Variants in SUZ12 observed in about 807,000 individuals in gnomAD.
SUZ12 encodes polycomb protein SUZ12.
A neutral mutation model predicts 87.3 loss-of-function variants in SUZ12; 17 were observed. The ratio of observed to expected loss-of-function variants is 0.19; its 90% confidence interval spans 0.13 to 0.29. The LOEUF is 0.29. SUZ12 is among the 10% of genes least tolerant of loss of function. SUZ12 has a pLI of 1.00. For synonymous variants in SUZ12, 253 were observed against 312.4 expected, an observed-to-expected ratio of 0.81 and a Z score of 2.01; for missense variants, 526 against 912.2, an observed-to-expected ratio of 0.58 and a Z score of 5.45.
At chr17:31,947,110 C>T (rs1375145840) in intron 3 of SUZ12, among the ~76,000 whole-genome samples, 1 of 152,022 alleles carries the variant, frequency 6.6e-6, no homozygotes, top group African/African-American at 2.4e-5. Context: ...GCTTAGTAGA[C>T]GTGTTAAGTG....
intron 4 of SUZ12, among the ~76,000 whole-genome samples, chr17:31,950,399 C>T (rs1277612282): frequency 2.0e-5 from 3 of 152,072 alleles, no homozygotes; most frequent in African/African-American, 7.2e-5. Flanking sequence ...TAAAAGATAA[C>T]ACAGGCCGGG....
intron 6 of SUZ12, among the ~76,000 whole-genome samples, chr17:31,974,400 A>G (rs1040072164): frequency 2.6e-5 from 4 of 152,032 alleles, no homozygotes; most frequent in South Asian, 2.1e-4. Flanking sequence ...GGTGATGGGC[A>G]CCTGTAGTGC....
intron 4 of SUZ12, among the ~76,000 whole-genome samples, chr17:31,962,809 A>G (rs1398425462): frequency 6.6e-6 from 1 of 152,250 alleles, no homozygotes; most frequent in African/African-American, 2.4e-5. Context: ...GGGTCTCAGT[A>G]GATGTGGAGA....
intron 4 of SUZ12, among the ~76,000 whole-genome samples, chr17:31,962,850 T>C (rs942713946): frequency 1.3e-5 from 2 of 152,248 alleles, no homozygotes; most frequent in Non-Finnish European, 2.9e-5. Context: ...TAGATTCTTA[T>C]GAAAGTTAAT....
Position 31,999,051 on chromosome 17 carries a change from G to T in SUZ12, c.*48G>T. The T allele has an allele frequency of 7.1e-7, 1 of 1,412,892 alleles. No homozygotes were observed. Among genetic ancestry groups the T allele is most frequent in the East Asian group, 2.4e-5 (1 of 41,978 alleles). The allele number at this position is 1,412,892 out of a possible 1,614,324, so 87.5% of individuals were successfully genotyped here. ...GACAAACACTGAAATTACATTTTAG[G>T]GAATTCATCCTCTAAGAATTATGTT... is the stretch of plus-strand genomic sequence containing the variant. On this transcript the variant is annotated 3_prime_UTR_variant, in exon 16 of 16. Transcript: ENST00000322652.
At chr17:31,952,996 CT>C (rs1379501320) in intron 4 of SUZ12, among the ~76,000 whole-genome samples, 1 of 152,186 alleles carries the variant, frequency 6.6e-6, no homozygotes, top group Non-Finnish European at 1.5e-5. Context: ...CAAAATGTCA[CT>C]TCTCTCTTGC....
At chr17:31,997,192 G>T (rs1378216224) in intron 15 of SUZ12, among the ~76,000 whole-genome samples, 1 of 152,098 alleles carries the variant, frequency 6.6e-6, no homozygotes, top group Non-Finnish European at 1.5e-5. Context: ...TATTTATCAG[G>T]GTTGTTGATT....
chr17:31,994,055 G>A (rs757737055), intron 12 of SUZ12, 47 bp downstream of exon 12: 11 of 1,576,236 alleles, frequency 7.0e-6, no homozygotes, highest in African/African-American at 1.4e-5. Flanking sequence ...GAAATCTCTT[G>A]TACCCCATAA....
At chr17:31,984,154 G>A (rs1046558269) in intron 9 of SUZ12, among the ~76,000 whole-genome samples, 6 of 152,148 alleles carry the variant, frequency 3.9e-5, no homozygotes, top group African/African-American at 1.4e-4. Context: ...ATACCATAAA[G>A]TTAAGAGAAC....
intron 4 of SUZ12, among the ~76,000 whole-genome samples, chr17:31,958,175 T>C (rs562072805): frequency 5.8e-4 from 88 of 151,970 alleles, no homozygotes; most frequent in Non-Finnish European, 8.1e-4. Flanking sequence ...GTGCCGGGAT[T>C]GCAGGCGTGA....
rs1433264523 is a variant in SUZ12, at chr17:32,000,621, G to A, written c.*1618G>A. ...TCTCGGGCTTTAATTTGCTAAAGCT[G>A]TGCACATATGTAAAAAAAAAAAAAA... On this transcript the variant is annotated 3_prime_UTR_variant, in exon 16 of 16. Transcript: ENST00000322652. 1 of 226,828 alleles carries A rather than the reference G, an allele frequency of 4.4e-6. No homozygotes were observed. Among genetic ancestry groups the A allele is most frequent in the Non-Finnish European group, 8.6e-6 (1 of 116,058 alleles). The allele number at this position is 226,828 out of a possible 1,614,324, so 14.1% of individuals were successfully genotyped here.
intron 5 of SUZ12, among the ~76,000 whole-genome samples, chr17:31,968,400 A>T (rs1908219450): frequency 6.6e-6 from 1 of 152,036 alleles, no homozygotes; most frequent in South Asian, 2.1e-4. Flanking sequence ...GCTAATTAAA[A>T]AAAATTTTTT....
Position 31,947,694 on chromosome 17 carries a change from A to C in SUZ12, c.455+9A>C. 6.2e-7 allele frequency: 1 copy of C among 1,606,434 alleles called. No homozygotes were observed. The highest frequency in any genetic ancestry group is 8.5e-7 in the Non-Finnish European group (1 of 1,175,674). Reference sequence around the variant, plus strand: ...GAGCAAGAATCTCATAGGTAAGATAATCTATCAGTTTACATTAAGTGATAT... The same window carrying C: ...GAGCAAGAATCTCATAGGTAAGATACTCTATCAGTTTACATTAAGTGATAT... On this transcript the variant is annotated intron_variant, in intron 4 of 15. Coordinates refer to ENST00000322652, the MANE Select transcript of SUZ12 (RefSeq NM_015355.4).
intron 6 of SUZ12, among the ~76,000 whole-genome samples, chr17:31,974,182 C>T: frequency 6.6e-6 from 1 of 151,786 alleles, no homozygotes; most frequent in East Asian, 1.9e-4. Flanking sequence ...TGAGCTCCAG[C>T]CTGTGCGACA....
In SUZ12 at chr17:31,947,651, G is replaced by A. The variant is rs750258197; in HGVS notation, c.421G>A (p.Val141Ile). The change falls in exon 4 of 16, where the codon GTA becomes ATA. Residue 141 changes from valine (V) to isoleucine (I), a missense_variant. Transcript: ENST00000322652. Reference protein sequence around the residue: ...TFKVDDMLSKVEKMKGEQESH... With the variant: ...TFKVDDMLSKIEKMKGEQESH... ...TAAAGTTGATGATATGTTATCAAAA[G>A]TAGAGAAAATGAAAGGAGAGCAAGA... 5 of 1,605,452 alleles carry A rather than the reference G, an allele frequency of 3.1e-6. No individual in the cohort carries two copies. Among genetic ancestry groups the A allele is most frequent in the Non-Finnish European group, 4.3e-6 (5 of 1,174,434 alleles).
At chr17:31,954,379 A>C (rs766200285) in intron 4 of SUZ12, among the ~76,000 whole-genome samples, 2 of 152,074 alleles carry the variant, frequency 1.3e-5, no homozygotes, top group Non-Finnish European at 2.9e-5. Context: ...TTTTGATGCA[A>C]CCTAAGCTTT....
chr17:31,996,047 A>T (rs565903845), intron 14 of SUZ12, among the ~76,000 whole-genome samples: 2 of 152,092 alleles, frequency 1.3e-5, no homozygotes, highest in Non-Finnish European at 2.9e-5. Flanking sequence ...GGTCTCTACT[A>T]AAAATACAAA....
chr17:31,999,933 T>A lies in SUZ12; in HGVS notation c.*930T>A, dbSNP rs1362292707. 8.6e-6 allele frequency: 2 copies of A among 232,712 alleles called. No homozygotes were observed. The highest frequency in any genetic ancestry group is 5.6e-5 in the Admixed American group (1 of 17,764). 14.4% of individuals were successfully genotyped at this position (232,712 alleles called of 1,614,324 possible). On this transcript the variant is annotated 3_prime_UTR_variant, in exon 16 of 16. Transcript: ENST00000322652. Reference sequence around the variant, plus strand: ...TAAAAAGTCAACCAGAAAACTGTTATGCCTTTTATTTGTTTGCAAGGATGT... The same window carrying A: ...TAAAAAGTCAACCAGAAAACTGTTAAGCCTTTTATTTGTTTGCAAGGATGT...
chr17:31,953,294 T>C (rs1465037018), intron 4 of SUZ12, among the ~76,000 whole-genome samples: 1 of 152,008 alleles, frequency 6.6e-6, no homozygotes, highest in Non-Finnish European at 1.5e-5. Context: ...TGTTTTCCAG[T>C]AGAGACAGGG....
Sources: gnomAD v4.1 joint callset for allele counts (sites outside exome capture counted in the v4.1 genomes callset) on GRCh38, gnomAD v4.1.1 for gene constraint, MANE v1.5 for transcripts, NCBI Gene and HGNC (gene_info 2026-07-23, HGNC 2026-07-21) for gene names.